Variants in CDH6 observed in about 807,000 individuals in gnomAD.
The protein encoded by CDH6 is cadherin 6.
CDH6 carries 31 observed loss-of-function variants against 78.0 expected under a neutral mutation model. The ratio of observed to expected loss-of-function variants is 0.40; its 90% CI spans 0.30 to 0.54. The LOEUF (loss-of-function observed/expected upper bound fraction) is 0.54, where lower values mean the gene tolerates loss of function less well. CDH6 is among the 20% of genes least tolerant of loss of function. CDH6 has a pLI of 0.56. For missense variants in CDH6, 724 were observed against 975.9 expected (o/e 0.74, Z 3.44); for synonymous variants, 376 against 368.8 (o/e 1.02, Z -0.23).
At chr5:31,299,388 GTTGTT>G in intron 4 of CDH6, 71 bp from the exon 5 acceptor site, 1 of 1,194,808 alleles carries the variant, frequency 8.4e-7, no homozygotes, top group Non-Finnish European at 1.2e-6. Context: ...GACAGTTTAT[GTTGTT>G]TGCATAAATC....
chr5:31,294,146 C>T lies in CDH6; in HGVS notation c.413C>T (p.Pro138Leu), dbSNP rs1737508078. The change falls in exon 3 of 12, where the codon CCC (proline) becomes CTC (leucine). Residue 138 changes from proline to leucine, a missense_variant. Physicochemically the swap from Pro to Leu is moderately conservative, Grantham distance 98. Transcript: ENST00000265071. The surrounding 1 kb of genome is among the most constrained non-coding windows in gnomAD (Gnocchi z 4.1). ...GCTATAAACAGAAGGACAGGGAGAC[C>T]CGTGGAGCCCGAGTCTGAATTCATC... ...AQAINRRTGR[P>L]VEPESEFIIK... 1 of 1,613,728 alleles carries T rather than the reference C, an allele frequency of 6.2e-7. No individual in the cohort carries two copies. The highest frequency in any genetic ancestry group is 8.5e-7 in the Non-Finnish European group (1 of 1,179,862).
intron 7 of CDH6, among the ~76,000 whole-genome samples, chr5:31,308,465 A>T (rs765486637): frequency 2.5e-4 from 37 of 150,482 alleles, no homozygotes; most frequent in Non-Finnish European, 4.9e-4. Context: ...TAGCAGAAGG[A>T]TCTGCTATGA....
Position 31,209,510 on chromosome 5 carries a change from G to T in CDH6, c.-129+15624G>T, listed in dbSNP as rs1239676201. Among the ~76,000 whole-genome samples, 3 of 152,138 alleles carry T rather than the reference G, an allele frequency of 2.0e-5. No individual in the cohort carries two copies. In the South Asian group the frequency reaches 6.2e-4, roughly 32 times the overall value. The stretch of plus-strand genomic sequence containing the variant: ...TAAGCTAGTGGGAGTAAAGGGGAAG[G>T]CAATAAGTAACCCTATTAACGGGAA... On this transcript the variant is annotated intron_variant, in intron 1 of 11. Transcript: ENST00000265071.
At chr5:31,222,049 G>A (rs1054299981) in intron 1 of CDH6, among the ~76,000 whole-genome samples, 3 of 152,072 alleles carry the variant, frequency 2.0e-5, no homozygotes, top group Admixed American at 6.6e-5. Context: ...CATTTTCAAT[G>A]CAACTATAAA....
At chr5:31,234,478 G>A (rs1741398169) in intron 1 of CDH6, among the ~76,000 whole-genome samples, 1 of 152,122 alleles carries the variant, frequency 6.6e-6, no homozygotes, top group African/African-American at 2.4e-5. Context: ...CCCTAAAAGA[G>A]TGTTACTAAT....
chr5:31,290,711 G>C (rs1332908293), intron 2 of CDH6, among the ~76,000 whole-genome samples: 2 of 152,302 alleles, frequency 1.3e-5, no homozygotes, highest in South Asian at 2.1e-4. Flanking sequence ...GATGGCAGAG[G>C]AGGAGAGTGG....
At chr5:31,198,276 T>C (rs563835357) in intron 1 of CDH6, among the ~76,000 whole-genome samples, 76 of 152,332 alleles carry the variant, frequency 5.0e-4, no homozygotes, top group African/African-American at 1.5e-3. Context: ...TTAATATCTT[T>C]ACACTAACAC....
intron 1 of CDH6, among the ~76,000 whole-genome samples, chr5:31,226,556 G>A (rs567286156): frequency 2.6e-5 from 4 of 152,192 alleles, no homozygotes; most frequent in Non-Finnish European, 4.4e-5. Flanking sequence ...GAGGAACCCA[G>A]GGCACAGAGA....
At chr5:31,208,946 C>CG (rs1233896900) in intron 1 of CDH6, among the ~76,000 whole-genome samples, 4 of 152,162 alleles carry the variant, frequency 2.6e-5, no homozygotes, top group Non-Finnish European at 5.9e-5. Flanking sequence ...ATAGGATCTT[C>CG]ATGAATATTG....
At chr5:31,301,213 C>T (rs1368995164) in intron 5 of CDH6, among the ~76,000 whole-genome samples, 1 of 152,174 alleles carries the variant, frequency 6.6e-6, no homozygotes, top group East Asian at 1.9e-4. Context: ...AGTATGAACT[C>T]AAGGGATTAC....
At chr5:31,290,365 C>T (rs1301454341) in intron 2 of CDH6, among the ~76,000 whole-genome samples, 1 of 152,140 alleles carries the variant, frequency 6.6e-6, no homozygotes, top group Non-Finnish European at 1.5e-5. Flanking sequence ...GTCTTACCAG[C>T]GACAGGTGAG....
intron 1 of CDH6, among the ~76,000 whole-genome samples, chr5:31,236,298 A>G (rs1489047959): frequency 6.6e-6 from 1 of 152,230 alleles, no homozygotes; most frequent in East Asian, 1.9e-4. Context: ...TGTACTCTAT[A>G]GTTTACTAAT....
chr5:31,202,252 C>A (rs1459369438), intron 1 of CDH6, among the ~76,000 whole-genome samples: 1 of 152,040 alleles, frequency 6.6e-6, no homozygotes, highest in Non-Finnish European at 1.5e-5. Context: ...TTAAAATGAG[C>A]TTATCGTATT....
chr5:31,318,020 T>G (rs1221115375), intron 11 of CDH6, 96 bp downstream of exon 11: 25 of 1,405,154 alleles, frequency 1.8e-5, no homozygotes, highest in Non-Finnish European at 2.3e-5. Context: ...CATTAAGGCA[T>G]ACAGCCTGAT....
intron 11 of CDH6, among the ~76,000 whole-genome samples, chr5:31,320,084 A>AG (rs1170911671): frequency 1.3e-5 from 2 of 152,174 alleles, no homozygotes; most frequent in Non-Finnish European, 2.9e-5. Flanking sequence ...GGTAAGGGAA[A>AG]GGGGGAGACT....
intron 7 of CDH6, 78 bp from the exon 8 acceptor site, chr5:31,313,240 G>A: frequency 7.6e-7 from 1 of 1,314,860 alleles, no homozygotes; most frequent in Non-Finnish European, 1.1e-6. Context: ...ATGTGTACCA[G>A]ATGTTTTATG....
Position 31,322,882 on chromosome 5 carries a change from A to G in CDH6, c.1947A>G (p.Lys649=). 6.2e-7 allele frequency: 1 copy of G among 1,614,170 alleles called. No individual in the cohort carries two copies. The highest frequency in any genetic ancestry group is 8.5e-7 in the Non-Finnish European group (1 of 1,180,024). The change falls in exon 12 of 12, where the codon AAA becomes AAG. Residue 649 remains lysine, a synonymous_variant. Transcript: ENST00000265071. ...AAAAAGAGCCTTTGATCATTTCCAA[A>G]GAGGACATCAGAGATAACATTGTCA... ...QRKKEPLIIS[K]EDIRDNIVSY... is the part of the protein sequence containing the mutation.
chr5:31,310,384 G>C (rs899194494), intron 7 of CDH6, among the ~76,000 whole-genome samples: 1 of 152,210 alleles, frequency 6.6e-6, no homozygotes, highest in Non-Finnish European at 1.5e-5. Context: ...GAAAGATACA[G>C]CCCCCGAGGC....
Position 31,327,660 on chromosome 5 carries a change from C to A in CDH6, c.*4352C>A, listed in dbSNP as rs1738649975. On this transcript the variant is annotated 3_prime_UTR_variant, in exon 12 of 12. Transcript: ENST00000265071. ...AGCTCAAACAAGCAGCTTCCTTTTC[C>A]AGAGAATATAGAATTATATTATGGT... 1 of 198,738 alleles carries A rather than the reference C, an allele frequency of 5.0e-6. No individual in the cohort carries two copies. The highest frequency in any genetic ancestry group is 6.0e-5 in the Admixed American group (1 of 16,554). The allele number at this position is 198,738 out of a possible 1,614,324, so 12.3% of individuals were successfully genotyped here.
Sources: gnomAD v4.1 joint callset for allele counts (sites outside exome capture counted in the v4.1 genomes callset) on GRCh38, gnomAD v4.1.1 for gene constraint, Gnocchi (gnomAD v3.1) non-coding constraint, MANE v1.5 for transcripts, NCBI Gene and HGNC (gene_info 2026-07-23, HGNC 2026-07-21) for gene names.